Variants in MMD2 observed in about 807,000 individuals in gnomAD.
MMD2 encodes the protein monocyte to macrophage differentiation factor 2.
A neutral mutation model predicts 33.5 loss-of-function variants in MMD2; 30 were observed. That is an observed-to-expected ratio of 0.90 (90% CI 0.67 to 1.22). The LOEUF (loss-of-function observed/expected upper bound fraction) is 1.22, where lower values mean the gene tolerates loss of function less well. Among genes scored for constraint, MMD2 ranks in the 50% most tolerant of loss-of-function variants. The pLI is 0.00. For missense variants in MMD2, 364 were observed against 325.4 expected, an observed-to-expected ratio of 1.12 and a Z score of -0.91; for synonymous variants, 129 against 123.0, an observed-to-expected ratio of 1.05 and a Z score of -0.32.
At chr7:4,947,512 G>A (rs1786121173) in intron 1 of MMD2, among the ~76,000 whole-genome samples, 1 of 150,682 alleles carries the variant, frequency 6.6e-6, no homozygotes, top group Non-Finnish European at 1.5e-5. Context: ...TCCTGCCTCA[G>A]CCTCCCGAGT....
At chr7:4,925,386 T>A (rs923081676) in intron 2 of MMD2, 65 bp downstream of exon 2, 30 of 1,323,832 alleles carry the variant, frequency 2.3e-5, no homozygotes, top group Non-Finnish European at 3.0e-5. Flanking sequence ...GGAGGTGACT[T>A]CCCCCACCCC....
At chr7:4,944,149 C>A (rs1252340954) in intron 1 of MMD2, among the ~76,000 whole-genome samples, 1 of 151,604 alleles carries the variant, frequency 6.6e-6, no homozygotes, top group African/African-American at 2.4e-5. Flanking sequence ...GTGGCACACA[C>A]CTGTAGTCCC....
intron 2 of MMD2, 80 bp downstream of exon 2, chr7:4,925,371 G>T: frequency 8.5e-7 from 1 of 1,176,638 alleles, no homozygotes; most frequent in East Asian, 2.6e-5. Context: ...TAGGACATAC[G>T]TGAAGGAGGT....
the MMD2 span, among the ~76,000 whole-genome samples, chr7:4,896,388 G>A: frequency 6.6e-6 from 1 of 152,218 alleles, no homozygotes; most frequent in Non-Finnish European, 1.5e-5. Context: ...GCTGAGACAG[G>A]AGAATTGCTT....
chr7:4,920,322 T>C lies in MMD2; in HGVS notation c.139A>G (p.Ile47Val), dbSNP rs1330285620. ...TTGGAGCTGCCCAGGATGCTGGGGATGATCCAGAACTGGAGGGGCAGGGAC... is the reference window on the plus strand; with the variant it reads ...TTGGAGCTGCCCAGGATGCTGGGGACGATCCAGAACTGGAGGGGCAGGGAC... ...ANCATHAFWI[I>V]PSILGSSNLY... is the part of the protein sequence containing the mutation. Residue 47 changes from isoleucine to valine, a missense_variant, in exon 3 of 7, where the codon ATC (isoleucine) becomes GTC (valine). By Grantham distance (29) the Ile-to-Val change is conservative (BLOSUM62 3). Coordinates refer to ENST00000401401, the MANE Select transcript of MMD2 (RefSeq NM_198403.4). 10 of 1,608,282 alleles carry C rather than the reference T, an allele frequency of 6.2e-6. No individual in the cohort carries two copies. In the Admixed American group the frequency reaches 1.5e-4, roughly 25 times the overall value.
intron 1 of MMD2, among the ~76,000 whole-genome samples, chr7:4,930,035 C>T (rs1366943830): frequency 1.5e-5 from 2 of 137,670 alleles, no homozygotes; most frequent in African/African-American, 2.7e-5. Context: ...TTTGGGAGGC[C>T]GAGGCGGGCA....
intron 1 of MMD2, among the ~76,000 whole-genome samples, chr7:4,957,622 C>T (rs868536414): frequency 6.6e-6 from 1 of 151,232 alleles, no homozygotes; most frequent in African/African-American, 2.4e-5. Flanking sequence ...GCACTCCAGC[C>T]TGGGCAACAA....
At chr7:4,899,200 G>C in the MMD2 span, among the ~76,000 whole-genome samples, 1 of 152,080 alleles carries the variant, frequency 6.6e-6, no homozygotes, top group Admixed American at 6.6e-5. Context: ...CTTGTTCTTG[G>C]ACTTCTCAGC....
At chr7:4,921,200 T>C (rs931672590) in intron 2 of MMD2, among the ~76,000 whole-genome samples, 1 of 152,122 alleles carries the variant, frequency 6.6e-6, no homozygotes, top group Non-Finnish European at 1.5e-5. Flanking sequence ...AGAAGTATGA[T>C]GTGCCACATG....
Position 4,942,534 on chromosome 7 carries a change from C to T in MMD2, c.47+16437G>A, listed in dbSNP as rs190551391. Among the ~76,000 whole-genome samples, 550 of 152,192 alleles carry T rather than the reference C, an allele frequency of 3.6e-3. 6 individuals carry two copies. Among genetic ancestry groups the T allele is most frequent in the African/African-American group, 0.013 (529 of 41,532 alleles). Reference sequence around the variant, plus strand: ...CCTCCTGCCTCAGCCTCTCAAAGTGCTGGGATTACAGGCATGAGCCATACA... The same window carrying T: ...CCTCCTGCCTCAGCCTCTCAAAGTGTTGGGATTACAGGCATGAGCCATACA... On this transcript the variant is annotated intron_variant, in intron 1 of 6. Coordinates refer to ENST00000401401, the MANE Select transcript of MMD2 (RefSeq NM_198403.4).
At chr7:4,909,373 C>G (rs990532423) in intron 6 of MMD2, among the ~76,000 whole-genome samples, 1 of 151,732 alleles carries the variant, frequency 6.6e-6, no homozygotes, top group African/African-American at 2.4e-5. Flanking sequence ...ACCTGCCAAG[C>G]CCTCGCCAGA....
At chr7:4,921,644 G>A (rs1437936097) in intron 2 of MMD2, among the ~76,000 whole-genome samples, 1 of 149,834 alleles carries the variant, frequency 6.7e-6, no homozygotes, top group Non-Finnish European at 1.5e-5. Context: ...AAAAAAAGTA[G>A]GCAGGTGGGA....
At chr7:4,908,761 G>C (rs1784931147) in intron 6 of MMD2, among the ~76,000 whole-genome samples, 1 of 151,932 alleles carries the variant, frequency 6.6e-6, no homozygotes, top group South Asian at 2.1e-4. Flanking sequence ...GCCGAGAGTG[G>C]TGGCACGCGC....
downstream of MMD2, among the ~76,000 whole-genome samples, chr7:4,904,035 C>A (rs571648690): frequency 2.6e-5 from 4 of 152,208 alleles, no homozygotes; most frequent in South Asian, 6.2e-4. Context: ...CGAGTTCAAG[C>A]GATTCTCCTG....
chr7:4,950,960 G>A (rs1434085991), intron 1 of MMD2, among the ~76,000 whole-genome samples: 3 of 151,956 alleles, frequency 2.0e-5, no homozygotes, highest in East Asian at 3.9e-4. Flanking sequence ...TGACCCACCC[G>A]CCTCAGCCTC....
chr7:4,900,805 C>G, the MMD2 span, among the ~76,000 whole-genome samples: 5 of 152,172 alleles, frequency 3.3e-5, no homozygotes, highest in African/African-American at 1.2e-4. Context: ...CCACACCTTG[C>G]TCTTCCTGCT....
At chr7:4,945,246 C>CTTCTTCTTCTTCTTCTTCT (rs1562493963) in intron 1 of MMD2, among the ~76,000 whole-genome samples, 7 of 22,888 alleles carry the variant, frequency 3.1e-4, no homozygotes, top group South Asian at 1.8e-3. Flanking sequence ...CTTCCTCTCT[C>CTTCTTCTTCTTCTTCTTCT]TCTTTCTTTC....
At chr7:4,934,514 G>A (rs918344233) in intron 1 of MMD2, among the ~76,000 whole-genome samples, 2 of 152,204 alleles carry the variant, frequency 1.3e-5, no homozygotes, top group African/African-American at 2.4e-5. Flanking sequence ...CGAAAGAGCC[G>A]ACGTTTCCAG....
chr7:4,938,475 C>T (rs976536107), intron 1 of MMD2, among the ~76,000 whole-genome samples: 6 of 152,064 alleles, frequency 3.9e-5, no homozygotes, highest in African/African-American at 1.4e-4. Context: ...TTTTTCTCCT[C>T]TCTAAAGCCA....
Sources: allele counts gnomAD v4.1 joint callset (sites outside exome capture counted in the v4.1 genomes callset), GRCh38; gene constraint gnomAD v4.1.1; transcripts MANE v1.5; gene names NCBI Gene and HGNC (gene_info 2026-07-23, HGNC 2026-07-21).